GDAP1: variants seen among roughly 807,000 people sequenced by gnomAD.
GDAP1 encodes the protein ganglioside induced differentiation associated protein 1, also known as ganglioside-induced differentiation-associated protein 1.
A neutral mutation model predicts 40.1 loss-of-function variants in GDAP1; 34 were observed. The ratio of observed to expected loss-of-function variants is 0.85; its 90% CI spans 0.64 to 1.13. The LOEUF is 1.13. GDAP1 is among the 50% of genes most tolerant of loss of function. The pLI, the probability that GDAP1 is intolerant of heterozygous loss-of-function variation, is 0.00. For synonymous variants in GDAP1, 170 were observed against 157.4 expected, an observed-to-expected ratio of 1.08 and a Z score of -0.60; for missense variants, 374 against 433.7, an observed-to-expected ratio of 0.86 and a Z score of 1.22.
chr8:74,429,274 C>G (rs1805996589), intron 2 of GDAP1, among the ~76,000 whole-genome samples: 1 of 151,578 alleles, frequency 6.6e-6, no homozygotes, highest in Non-Finnish European at 1.5e-5. Flanking sequence ...GTTCTAGATC[C>G]CTGAGGAATA....
At chr8:74,370,677 A>T (rs1809732535), downstream of GDAP1, among the ~76,000 whole-genome samples, 1 of 152,226 alleles carries the variant, frequency 6.6e-6, no homozygotes, top group Non-Finnish European at 1.5e-5. Flanking sequence ...ATAGCATTGA[A>T]TGTAAAATGT....
chr8:74,426,260 A>G (rs1485632708), intron 2 of GDAP1, among the ~76,000 whole-genome samples: 1 of 152,234 alleles, frequency 6.6e-6, no homozygotes, highest in Non-Finnish European at 1.5e-5. Flanking sequence ...ACTATGATAC[A>G]TTTATCAAAA....
At chr8:74,435,523 G>A (rs1286146406) in intron 2 of GDAP1, among the ~76,000 whole-genome samples, 1 of 152,154 alleles carries the variant, frequency 6.6e-6, no homozygotes, top group Non-Finnish European at 1.5e-5. Context: ...AGGATAATTT[G>A]CATGGTTGTA....
chr8:74,478,848 G>A (rs141053352), intron 2 of GDAP1, among the ~76,000 whole-genome samples: 15 of 152,202 alleles, frequency 9.9e-5, no homozygotes, highest in South Asian at 4.2e-4. Context: ...TGGTGAGAGC[G>A]GTTGCTCTTG....
intron 2 of GDAP1, among the ~76,000 whole-genome samples, chr8:74,480,907 T>G (rs1806703024): frequency 6.6e-6 from 1 of 152,212 alleles, no homozygotes; most frequent in Non-Finnish European, 1.5e-5. Context: ...TTGGATCCAG[T>G]AGAACTTCCT....
At chr8:74,387,760 C>G (rs1314904667) in intron 2 of GDAP1, among the ~76,000 whole-genome samples, 2 of 152,134 alleles carry the variant, frequency 1.3e-5, no homozygotes, top group Non-Finnish European at 2.9e-5. Context: ...GGAATGGTAC[C>G]AGCTCCTCTT....
At chr8:74,426,078 A>T (rs1259899068) in intron 2 of GDAP1, among the ~76,000 whole-genome samples, 2 of 152,230 alleles carry the variant, frequency 1.3e-5, no homozygotes, top group South Asian at 2.1e-4. Flanking sequence ...TGAATATTGC[A>T]TATAGGCATG....
chr8:74,431,570 C>T (rs1314551352), intron 2 of GDAP1, among the ~76,000 whole-genome samples: 2 of 152,126 alleles, frequency 1.3e-5, no homozygotes, highest in Non-Finnish European at 2.9e-5. Flanking sequence ...CAAGCTCCGC[C>T]TCCCGGGTTC....
chr8:74,432,825 G>A (rs1006077537), intron 2 of GDAP1, among the ~76,000 whole-genome samples: 2 of 152,128 alleles, frequency 1.3e-5, no homozygotes, highest in African/African-American at 2.4e-5. Context: ...TCACTGATAT[G>A]TTGGTATCAA....
chr8:74,444,731 A>G (rs895889958), intron 2 of GDAP1, among the ~76,000 whole-genome samples: 2 of 152,228 alleles, frequency 1.3e-5, no homozygotes, highest in African/African-American at 4.8e-5. Flanking sequence ...AGTGGTAAAC[A>G]GTTTATTCTA....
chr8:74,381,410 C>T (rs1339562814), intron 2 of GDAP1, among the ~76,000 whole-genome samples: 3 of 151,938 alleles, frequency 2.0e-5, no homozygotes, highest in African/African-American at 7.3e-5. Flanking sequence ...CAAAAGCAAA[C>T]TGAAGATTCA....
At chr8:74,388,041 T>C (rs1449464428) in intron 2 of GDAP1, among the ~76,000 whole-genome samples, 2 of 152,196 alleles carry the variant, frequency 1.3e-5, no homozygotes, top group East Asian at 3.8e-4. Flanking sequence ...CATTTTTTAT[T>C]GTGTGTATTT....
chr8:74,361,789 C>G, intron 3 of GDAP1, 95 bp from the exon 4 acceptor site: 7 of 780,804 alleles, frequency 9.0e-6, no homozygotes, highest in Non-Finnish European at 1.6e-5. Flanking sequence ...AGCCCCAGAG[C>G]TCATGCTCTT....
At chr8:74,397,291 T>C (rs947892161) in intron 2 of GDAP1, among the ~76,000 whole-genome samples, 2 of 151,908 alleles carry the variant, frequency 1.3e-5, no homozygotes, top group African/African-American at 2.4e-5. Flanking sequence ...AAAAATTTTC[T>C]CCCATTTTGT....
At position 74,364,399 on chromosome 8, in the gene GDAP1, C is replaced by G. The variant is rs1359100383; in HGVS notation, c.*32C>G. On this transcript the variant is annotated 3_prime_UTR_variant, in exon 6 of 6. Coordinates refer to ENST00000220822, the MANE Select transcript of GDAP1 (RefSeq NM_018972.4). The stretch of plus-strand genomic sequence containing the variant: ...TGGGATCTTGTCGTGGCAGCTCATC[C>G]AAGCATTTAGCTAGACCCTGTGATT... 9.3e-6 allele frequency: 15 copies of G among 1,604,464 alleles called. No individual in the cohort carries two copies. Among genetic ancestry groups the G allele is most frequent in the Non-Finnish European group, 1.0e-5 (12 of 1,176,960 alleles).
At chr8:74,356,686 G>A (rs1203671800) in intron 2 of GDAP1, among the ~76,000 whole-genome samples, 3 of 132,618 alleles carry the variant, frequency 2.3e-5, no homozygotes, top group East Asian at 2.1e-4. Flanking sequence ...GTGTGTGTGT[G>A]TGTGTTTGTG....
intron 2 of GDAP1, among the ~76,000 whole-genome samples, chr8:74,458,311 A>G (rs1806360731): frequency 6.6e-6 from 1 of 152,144 alleles, no homozygotes; most frequent in Non-Finnish European, 1.5e-5. Context: ...TTAAGCTATG[A>G]GTAAATGACC....
chr8:74,385,294 A>G (rs912597674), intron 2 of GDAP1, among the ~76,000 whole-genome samples: 1 of 152,156 alleles, frequency 6.6e-6, no homozygotes, highest in South Asian at 2.1e-4. Context: ...CATCATGTAC[A>G]TTAGGTATTT....
At chr8:74,422,399 G>T (rs1453046438) in intron 2 of GDAP1, among the ~76,000 whole-genome samples, 62 of 66,704 alleles carry the variant, frequency 9.3e-4, no homozygotes, top group South Asian at 3.5e-3. Context: ...CCTTCCTTCT[G>T]TCTCTCTCTC....
Sources: gnomAD v4.1 joint callset for allele counts (sites outside exome capture counted in the v4.1 genomes callset) on GRCh38, gnomAD v4.1.1 for gene constraint, MANE v1.5 for transcripts, NCBI Gene and HGNC (gene_info 2026-07-23, HGNC 2026-07-21) for gene names.